Variants in MCAM observed in about 807,000 individuals in gnomAD.
The protein encoded by MCAM is cell surface glycoprotein MUC18.
A neutral mutation model predicts 79.1 loss-of-function variants in MCAM; 55 were observed. The ratio of observed to expected loss-of-function variants is 0.70; its 90% confidence interval spans 0.56 to 0.87. MCAM has a LOEUF of 0.87. Among genes scored for constraint, MCAM ranks in the 40% least tolerant of loss-of-function variants. The pLI is 0.00. For synonymous variants in MCAM, 330 were observed against 339.8 expected (o/e 0.97, Z 0.32); for missense variants, 745 against 839.8 (o/e 0.89, Z 1.40).
intron 15 of MCAM, 117 bp from the exon 16 acceptor site, chr11:119,310,032 G>T: frequency 1.1e-6 from 1 of 894,716 alleles, no homozygotes; most frequent in South Asian, 1.5e-5. Flanking sequence ...GGCAGCGTTG[G>T]GGAGGAAGCT....
In MCAM at chr11:119,314,881, C is replaced by A. The variant is rs137883572; in HGVS notation, c.352G>T (p.Gly118Cys). 2.0e-5 allele frequency: 33 copies of A among 1,613,440 alleles called. No homozygotes were observed. Among genetic ancestry groups the A allele is most frequent in the Non-Finnish European group, 2.6e-5 (31 of 1,180,048 alleles). ...TACTCCTGGGACCGAGGGCGCTTGC[C>A]CTGGCACAAGAAGATGCGCTCGTCT... ...PQDERIFLCQGKRPRSQEYRI... is the reference protein window; with the variant it reads ...PQDERIFLCQCKRPRSQEYRI... The change falls in exon 3 of 16, where the codon GGC (glycine) becomes TGC (cysteine). Residue 118 changes from glycine to cysteine, a missense_variant. Gly to Cys is a radical substitution (Grantham distance 159). Transcript: ENST00000264036.
At position 119,309,431 on chromosome 11, in the gene MCAM, G is replaced by A. The variant is rs369815222; in HGVS notation, c.*455C>T. The A allele has an allele frequency of 2.2e-4, 41 of 188,968 alleles. No individual in the cohort carries two copies. Among genetic ancestry groups the A allele is most frequent in the Admixed American group, 5.3e-4 (10 of 18,764 alleles). 11.7% of individuals were successfully genotyped at this position (188,968 alleles called of 1,614,324 possible). A position where few individuals can be genotyped will look rare whatever the true frequency, so the allele number is the denominator to read the frequency against. On this transcript the variant is annotated 3_prime_UTR_variant, in exon 16 of 16. Coordinates refer to ENST00000264036, the MANE Select transcript of MCAM (RefSeq NM_006500.3). The stretch of plus-strand genomic sequence containing the variant: ...GCTCTCCGGAGCGGGTGTGAACAGC[G>A]CACTTCAACATGAGCAGGCGCCTGG...
In MCAM at chr11:119,309,534, G is replaced by T; in HGVS notation, c.*352C>A. 1 of 320,296 alleles carries T rather than the reference G, an allele frequency of 3.1e-6. No individual in the cohort carries two copies. Among genetic ancestry groups the T allele is most frequent in the Non-Finnish European group, 5.9e-6 (1 of 170,556 alleles). The allele number at this position is 320,296 out of a possible 1,614,324, so 19.8% of individuals were successfully genotyped here. A position where few individuals can be genotyped will look rare whatever the true frequency, so the allele number is the denominator to read the frequency against. On this transcript the variant is annotated 3_prime_UTR_variant, in exon 16 of 16. Transcript: ENST00000264036. ...TGGGGCAGGAAACCAGCTCAGAGAG[G>T]CTACCCAGCTCAGCTGCTGGCAGGA...
At chr11:119,310,047 TG>T in intron 15 of MCAM, 132 bp from the exon 16 acceptor site, 1 of 789,154 alleles carries the variant, frequency 1.3e-6, no homozygotes, top group Non-Finnish European at 2.1e-6. Flanking sequence ...GAAGCTAGGA[TG>T]GGCATGGCAG....
At position 119,311,048 on chromosome 11, in the gene MCAM, A is replaced by T; in HGVS notation, c.1645+42T>A. The T allele has an allele frequency of 6.2e-7, 1 of 1,614,162 alleles. No individual in the cohort carries two copies. The highest frequency in any genetic ancestry group is 1.1e-5 in the South Asian group (1 of 91,074). ...TCTGGGGAGGGACAGGGCAGAAAGG[A>T]TGCCCTGGCACAGCCCTGTTCTCTT... On this transcript the variant is annotated intron_variant, in intron 13 of 15. Coordinates refer to ENST00000264036, the MANE Select transcript of MCAM (RefSeq NM_006500.3). The surrounding 1 kb of genome is among the most constrained non-coding windows in gnomAD (Gnocchi z 4.4).
chr11:119,315,332 CGCTGCT>C lies in MCAM; in HGVS notation c.68-75_68-70del, dbSNP rs1591288212. 1.0e-5 allele frequency: 16 copies of C among 1,533,614 alleles called. No individual in the cohort carries two copies. The East Asian group carries it at 3.9e-4, about 37-fold the overall frequency. On this transcript the variant is annotated intron_variant, in intron 1 of 15. Transcript: ENST00000264036. This position sits in a 1 kb window ranked among gnomAD's most constrained non-coding sequence, Gnocchi z 4.4. ...CTGCTGTCCGCCCCTCCCCTCGCAG[CGCTGCT>C]GCAGCTGTTTTTCCTGCCACTCAGA...
chr11:119,312,635 T>G lies in MCAM; in HGVS notation c.753A>C (p.Lys251Asn), dbSNP rs1196676741. ...CCACGGGCTCCACTTCCAGCCACAC[T>G]TTTTCTGTCGGGTCTGCATAGGCAA... ...VTVPVFYPTE[K>N]VWLEVEPVGM... is the part of the protein sequence containing the mutation. The change falls in exon 7 of 16, where the codon AAA becomes AAC. Residue 251 changes from lysine to asparagine, a missense_variant. Lys to Asn is a moderately conservative substitution (Grantham distance 94). Transcript: ENST00000264036. This position sits in a 1 kb window ranked among gnomAD's most constrained non-coding sequence, Gnocchi z 4.9. 1 of 1,614,048 alleles carries G rather than the reference T, an allele frequency of 6.2e-7. No individual in the cohort carries two copies. Among genetic ancestry groups the G allele is most frequent in the Non-Finnish European group, 8.5e-7 (1 of 1,180,036 alleles).
At chr11:119,310,581 C>T in intron 14 of MCAM, 115 bp from the exon 15 acceptor site, 10 of 1,052,638 alleles carry the variant, frequency 9.5e-6, no homozygotes, top group South Asian at 1.4e-5. Flanking sequence ...CAGCCCAGGG[C>T]AGGGAAGCAG....
chr11:119,315,025 G>A lies in MCAM; in HGVS notation c.208C>T (p.Arg70Trp), dbSNP rs956311336. 5.0e-6 allele frequency: 8 copies of A among 1,608,158 alleles called. No homozygotes were observed. In the Admixed American group the frequency reaches 5.0e-5, roughly 10 times the overall value. Residue 70 changes from arginine (R) to tryptophan (W), a missense_variant, in exon 3 of 16, where the codon CGG (arginine) becomes TGG (tryptophan). Coordinates refer to ENST00000264036, the MANE Select transcript of MCAM (RefSeq NM_006500.3). This position sits in a 1 kb window ranked among gnomAD's most constrained non-coding sequence, Gnocchi z 4.4. Reference sequence around the variant, plus strand: ...TGGCGCACACGGAAGATGAGCGTCCGCTTCTCCTTGTGGACCTAATGGGAG... The same window carrying A: ...TGGCGCACACGGAAGATGAGCGTCCACTTCTCCTTGTGGACCTAATGGGAG... ...VDWFSVHKEK[R>W]TLIFRVRQGQ...
In MCAM at chr11:119,315,096, G is replaced by A; in HGVS notation, c.192+43C>T. The A allele has an allele frequency of 1.2e-6, 2 of 1,612,130 alleles. No individual in the cohort carries two copies. The highest frequency in any genetic ancestry group is 1.7e-6 in the Non-Finnish European group (2 of 1,179,842). On this transcript the variant is annotated intron_variant, in intron 2 of 15. Transcript: ENST00000264036. This position sits in a 1 kb window ranked among gnomAD's most constrained non-coding sequence, Gnocchi z 4.4. ...GGTCCTGGGCTACAAGAGGGGCAGA[G>A]TCTCCCTCCCCGGGCTGCTCTTGCA...
chr11:119,310,834 A>G lies in MCAM; in HGVS notation c.1715T>C (p.Leu572Pro), dbSNP rs138745100. 1.2e-6 allele frequency: 2 copies of G among 1,614,074 alleles called. No individual in the cohort carries two copies. The highest frequency in any genetic ancestry group is 1.7e-6 in the Non-Finnish European group (2 of 1,180,032). The change falls in exon 14 of 16, where the codon CTG becomes CCG. Residue 572 changes from leucine to proline, a missense_variant. Leu to Pro is a moderately conservative substitution (Grantham distance 98, BLOSUM62 -3). Coordinates refer to ENST00000264036, the MANE Select transcript of MCAM (RefSeq NM_006500.3). The stretch of plus-strand genomic sequence containing the variant: ...ATAGAGGACAGCGCCCAGCACCGCC[A>G]GGACCAGGATGCACACAATCACAGC... ...IVAVIVCILV[L>P]AVLGAVLYFL... is the part of the protein sequence containing the mutation.
rs1435805406 is a variant in MCAM, at chr11:119,308,778, T to G, written c.*1108A>C. ...GGGCCCTGAGCTTGGTTTGTAGAAG[T>G]TTGGTGCTAATATAACCATAGCTTT... On this transcript the variant is annotated 3_prime_UTR_variant, in exon 16 of 16. Transcript: ENST00000264036. 2 of 152,056 alleles carry G rather than the reference T, an allele frequency of 1.3e-5. No homozygotes were observed. Among genetic ancestry groups the G allele is most frequent in the Non-Finnish European group, 2.9e-5 (2 of 68,008 alleles). The allele number at this position is 152,056 out of a possible 1,614,324, so 9.4% of individuals were successfully genotyped here. A position where few individuals can be genotyped will look rare whatever the true frequency, so the allele number is the denominator to read the frequency against.
Position 119,309,846 on chromosome 11 carries a change from G to A in MCAM, c.*40C>T, listed in dbSNP as rs371887504. On this transcript the variant is annotated 3_prime_UTR_variant, in exon 16 of 16. Coordinates refer to ENST00000264036, the MANE Select transcript of MCAM (RefSeq NM_006500.3). Reference sequence around the variant, plus strand: ...GAGAGAAGAGTGAGCAGGGAGCTGGGAATGGTCCAGGCAGGGAAGGGAGCT... The same window carrying A: ...GAGAGAAGAGTGAGCAGGGAGCTGGAAATGGTCCAGGCAGGGAAGGGAGCT... 1 of 1,576,838 alleles carries A rather than the reference G, an allele frequency of 6.3e-7. No individual in the cohort carries two copies. Among genetic ancestry groups the A allele is most frequent in the South Asian group, 1.2e-5 (1 of 86,708 alleles).
Position 119,309,627 on chromosome 11 carries a change from T to C in MCAM, c.*259A>G, listed in dbSNP as rs188082113. On this transcript the variant is annotated 3_prime_UTR_variant, in exon 16 of 16. Coordinates refer to ENST00000264036, the MANE Select transcript of MCAM (RefSeq NM_006500.3). ...TTCTGCAAGAAACTCTCCTACCCGC[T>C]CGGGAGACTGGGGCTCCTTGCTTGG... is the stretch of plus-strand genomic sequence containing the variant. The C allele has an allele frequency of 1.7e-3, 915 of 547,234 alleles. 2 individuals are homozygous for C. The highest frequency in any genetic ancestry group is 2.9e-3 in the Admixed American group (88 of 30,236). 33.9% of individuals were successfully genotyped at this position (547,234 alleles called of 1,614,324 possible).
rs1591287807 is a variant in MCAM, at chr11:119,315,092, C to A, written c.192+47G>T. 3.7e-6 allele frequency: 6 copies of A among 1,611,768 alleles called. No homozygotes were observed. The African/African-American group carries it at 5.3e-5, about 14-fold the overall frequency. On this transcript the variant is annotated intron_variant, in intron 2 of 15. Transcript: ENST00000264036. This position sits in a 1 kb window ranked among gnomAD's most constrained non-coding sequence, Gnocchi z 4.4. ...GAAGGGTCCTGGGCTACAAGAGGGGCAGAGTCTCCCTCCCCGGGCTGCTCT... is the reference window on the plus strand; with the variant it reads ...GAAGGGTCCTGGGCTACAAGAGGGGAAGAGTCTCCCTCCCCGGGCTGCTCT...
In MCAM at chr11:119,315,869, G is replaced by A. The variant is rs1950305955; in HGVS notation, c.68-606C>T. 1 of 156,972 alleles carries A rather than the reference G, an allele frequency of 6.4e-6. No individual in the cohort carries two copies. The highest frequency in any genetic ancestry group is 2.4e-5 in the African/African-American group (1 of 41,516). The allele number at this position is 156,972 out of a possible 1,614,324, so 9.7% of individuals were successfully genotyped here. On this transcript the variant is annotated intron_variant, in intron 1 of 15. Coordinates refer to ENST00000264036, the MANE Select transcript of MCAM (RefSeq NM_006500.3). The surrounding 1 kb of genome is among the most constrained non-coding windows in gnomAD (Gnocchi z 4.4). ...GAGTCTCCCCCAGGGGTCAGGGCAAGGGCCAGGCAGTGGGCAGGAGTGACG... is the reference window on the plus strand; with the variant it reads ...GAGTCTCCCCCAGGGGTCAGGGCAAAGGCCAGGCAGTGGGCAGGAGTGACG...
intron 5 of MCAM, 175 bp downstream of exon 5, chr11:119,314,314 C>A (rs1191574285): frequency 4.9e-5 from 30 of 613,122 alleles, no homozygotes; most frequent in Non-Finnish European, 8.5e-5. Context: ...CACCACCATG[C>A]CTGGCTAATT....
intron 15 of MCAM, 146 bp from the exon 16 acceptor site, chr11:119,310,061 C>T (rs1166919194): frequency 4.1e-6 from 3 of 728,352 alleles, no homozygotes; most frequent in Admixed American, 4.7e-5. Flanking sequence ...CATGGCAGGC[C>T]AGGGAAGGAG....
In MCAM at chr11:119,315,279, G is replaced by A. The variant is rs1368616589; in HGVS notation, c.68-16C>T. On this transcript the variant is annotated splice_polypyrimidine_tract_variant and intron_variant, in intron 1 of 15. Coordinates refer to ENST00000264036, the MANE Select transcript of MCAM (RefSeq NM_006500.3). This position sits in a 1 kb window ranked among gnomAD's most constrained non-coding sequence, Gnocchi z 4.4. Reference sequence around the variant, plus strand: ...CCGGGCACACCTGGGGGAGGGAGGCGGGGCCCCCGCAGCTGTGTCAGCTCC... The same window carrying A: ...CCGGGCACACCTGGGGGAGGGAGGCAGGGCCCCCGCAGCTGTGTCAGCTCC... 6.2e-7 allele frequency: 1 copy of A among 1,602,230 alleles called. No individual in the cohort carries two copies. Among genetic ancestry groups the A allele is most frequent in the Non-Finnish European group, 8.5e-7 (1 of 1,177,860 alleles).
Sources: allele counts gnomAD v4.1 joint callset, GRCh38; gene constraint gnomAD v4.1.1; non-coding constraint Gnocchi (gnomAD v3.1); transcripts MANE v1.5; gene names NCBI Gene and HGNC (gene_info 2026-07-23, HGNC 2026-07-21).